The following PLPPR5 variants were observed in gnomAD, a reference collection of about 807,000 sequenced individuals.
PLPPR5 encodes the protein phospholipid phosphatase-related protein type 5.
PLPPR5 carries 16 observed loss-of-function variants against 33.9 expected under a neutral mutation model. The ratio of observed to expected loss-of-function variants is 0.47; its 90% confidence interval spans 0.32 to 0.72. PLPPR5 has a LOEUF of 0.72. Among genes scored for constraint, PLPPR5 ranks in the 30% least tolerant of loss-of-function variants. The pLI is 0.03. For missense variants in PLPPR5, 301 were observed against 406.7 expected, an observed-to-expected ratio of 0.74 and a Z score of 2.23; for synonymous variants, 163 against 150.3, an observed-to-expected ratio of 1.08 and a Z score of -0.62.
At chr1:98,939,915 A>G (rs1012770453) in intron 3 of PLPPR5, among the ~76,000 whole-genome samples, 34 of 152,056 alleles carry the variant, frequency 2.2e-4, no homozygotes, top group African/African-American at 7.9e-4. Context: ...TATTTATCGT[A>G]GAGAACGCTA....
At chr1:98,992,858 G>A (rs2100762070) in intron 1 of PLPPR5, among the ~76,000 whole-genome samples, 1 of 152,140 alleles carries the variant, frequency 6.6e-6, no homozygotes, top group Non-Finnish European at 1.5e-5. Context: ...AACATCTGTA[G>A]GAAATGGCAA....
At chr1:98,906,654 A>G (rs1648912323) in intron 5 of PLPPR5, among the ~76,000 whole-genome samples, 1 of 152,206 alleles carries the variant, frequency 6.6e-6, no homozygotes, top group South Asian at 2.1e-4. Context: ...GAAATAGCTA[A>G]CAACTGGGAA....
intron 3 of PLPPR5, among the ~76,000 whole-genome samples, chr1:98,947,962 CA>C (rs1479019911): frequency 6.6e-6 from 1 of 152,190 alleles, no homozygotes; most frequent in East Asian, 1.9e-4. Flanking sequence ...TACGCCTAAG[CA>C]GGGAGCTTTA....
At chr1:98,916,878 G>A (rs1027811355) in intron 4 of PLPPR5, among the ~76,000 whole-genome samples, 1 of 152,142 alleles carries the variant, frequency 6.6e-6, no homozygotes. Flanking sequence ...TGTAAAAATG[G>A]TGATAAGAAA....
chr1:98,978,043 C>T, intron 1 of PLPPR5, among the ~76,000 whole-genome samples: 1 of 151,986 alleles, frequency 6.6e-6, no homozygotes, highest in East Asian at 1.9e-4. Context: ...AAATCTTTTA[C>T]TTGCTCCAAA....
At chr1:98,928,001 G>A (rs1447987424) in intron 3 of PLPPR5, among the ~76,000 whole-genome samples, 1 of 151,884 alleles carries the variant, frequency 6.6e-6, no homozygotes, top group Non-Finnish European at 1.5e-5. Context: ...TAAAGCTGTG[G>A]TATTTGGAAA....
intron 3 of PLPPR5, among the ~76,000 whole-genome samples, chr1:98,924,511 C>T (rs1408711532): frequency 3.9e-5 from 6 of 152,124 alleles, no homozygotes; most frequent in African/African-American, 1.4e-4. Flanking sequence ...AGGAGTAAGG[C>T]TACATCTATG....
intron 5 of PLPPR5, among the ~76,000 whole-genome samples, chr1:98,912,497 G>T (rs913541505): frequency 2.0e-5 from 3 of 152,126 alleles, no homozygotes; most frequent in Admixed American, 2.0e-4. Flanking sequence ...TTCATTTGGT[G>T]AGAAGGGGTA....
chr1:98,971,043 A>C (rs1651639798), intron 1 of PLPPR5, among the ~76,000 whole-genome samples: 1 of 152,104 alleles, frequency 6.6e-6, no homozygotes, highest in Non-Finnish European at 1.5e-5. Flanking sequence ...ACATTTATTC[A>C]AACGAGGAGT....
intron 5 of PLPPR5, among the ~76,000 whole-genome samples, chr1:98,898,412 C>T (rs917329295): frequency 4.6e-5 from 7 of 152,054 alleles, no homozygotes; most frequent in Admixed American, 4.6e-4. Context: ...GTTTATTTTG[C>T]GATTTGCTTC....
At chr1:98,909,238 T>TCCCTCCCTCC (rs1649026432) in intron 5 of PLPPR5, among the ~76,000 whole-genome samples, 1 of 110,074 alleles carries the variant, frequency 9.1e-6, no homozygotes, top group African/African-American at 3.6e-5. Context: ...CCCTTCCCTT[T>TCCCTCCCTCC]CCCTCCCTTC....
At position 98,956,749 on chromosome 1, in the gene PLPPR5, G is replaced by T. The variant is rs373337801; in HGVS notation, c.238-8C>A. 21 of 1,532,918 alleles carry T rather than the reference G, an allele frequency of 1.4e-5. No homozygotes were observed. The African/African-American group carries it at 2.4e-4, about 17-fold the overall frequency. 95.0% of individuals were successfully genotyped at this position (1,532,918 alleles called of 1,614,324 possible). A position where few individuals can be genotyped will look rare whatever the true frequency, so the allele number is the denominator to read the frequency against. On this transcript the variant is annotated splice_polypyrimidine_tract_variant and splice_region_variant and intron_variant, in intron 1 of 5. Coordinates refer to ENST00000263177, the MANE Select transcript of PLPPR5 (RefSeq NM_001037317.2). Reference sequence around the variant, plus strand: ...AGTTTCTCCAACTATTATCTTGAAAGAAAATAAAAGATTAAGGAATATTAG... The same window carrying T: ...AGTTTCTCCAACTATTATCTTGAAATAAAATAAAAGATTAAGGAATATTAG...
chr1:98,943,583 T>C (rs1478279008), intron 3 of PLPPR5, among the ~76,000 whole-genome samples: 1 of 152,186 alleles, frequency 6.6e-6, no homozygotes, highest in African/African-American at 2.4e-5. Context: ...CCTCAGTCCA[T>C]GAGTGCATAA....
chr1:98,916,003 C>T (rs1427545046), intron 4 of PLPPR5, among the ~76,000 whole-genome samples: 1 of 152,134 alleles, frequency 6.6e-6, no homozygotes, highest in Non-Finnish European at 1.5e-5. Context: ...GCAGCTATAA[C>T]CTAACATTCA....
At chr1:98,975,540 A>T (rs72730399) in intron 1 of PLPPR5, among the ~76,000 whole-genome samples, 13,858 of 152,154 alleles carry the variant, frequency 0.091, 733 homozygotes, top group Non-Finnish European at 0.11. Flanking sequence ...AAGTACAAAT[A>T]TAACCTACAT....
At chr1:98,909,237 T>TCCCC (rs1649025782) in intron 5 of PLPPR5, among the ~76,000 whole-genome samples, 1 of 101,978 alleles carries the variant, frequency 9.8e-6, no homozygotes, top group African/African-American at 3.9e-5. Flanking sequence ...TCCCTTCCCT[T>TCCCC]TCCCTCCCTT....
intron 1 of PLPPR5, among the ~76,000 whole-genome samples, chr1:99,004,066 G>A (rs1430828164): frequency 2.6e-5 from 4 of 152,176 alleles, no homozygotes; most frequent in Non-Finnish European, 5.9e-5. Flanking sequence ...CAATCGAAGA[G>A]GAGGCAGTGA....
intron 1 of PLPPR5, among the ~76,000 whole-genome samples, chr1:98,998,518 T>C (rs774412921): frequency 2.3e-4 from 35 of 152,276 alleles, no homozygotes; most frequent in Non-Finnish European, 4.1e-4. Flanking sequence ...TCATCTACGA[T>C]AGAACACGAA....
intron 3 of PLPPR5, among the ~76,000 whole-genome samples, chr1:98,930,638 C>A (rs1344964046): frequency 6.6e-6 from 1 of 152,160 alleles, no homozygotes; most frequent in African/African-American, 2.4e-5. Flanking sequence ...ATACATATAA[C>A]TAATATTAAT....
Sources: allele counts gnomAD v4.1 joint callset (sites outside exome capture counted in the v4.1 genomes callset), GRCh38; gene constraint gnomAD v4.1.1; transcripts MANE v1.5; gene names NCBI Gene and HGNC (gene_info 2026-07-23, HGNC 2026-07-21).